Variants in BMPER observed in about 807,000 individuals in gnomAD.
BMPER encodes BMP-binding endothelial regulator protein.
Under a neutral mutation model 87.3 loss-of-function variants are expected in BMPER, and 45 were observed. That is an observed-to-expected ratio of 0.52 (90% CI 0.41 to 0.66). The LOEUF (loss-of-function observed/expected upper bound fraction) is 0.66. Among genes scored for constraint, BMPER ranks in the 30% least tolerant of loss-of-function variants. The pLI, the probability that BMPER is intolerant of heterozygous loss-of-function variation, is 0.00. For missense variants in BMPER, 784 were observed against 867.5 expected (o/e 0.90, Z 1.21); for synonymous variants, 326 against 316.2 (o/e 1.03, Z -0.33).
intron 3 of BMPER, among the ~76,000 whole-genome samples, chr7:33,965,390 G>T (rs1785381465): frequency 6.6e-6 from 1 of 151,876 alleles, no homozygotes; most frequent in African/African-American, 2.4e-5. Flanking sequence ...TGTATTAACA[G>T]GGATTTTTTT....
intron 6 of BMPER, among the ~76,000 whole-genome samples, chr7:34,021,474 T>G (rs771152573): frequency 2.0e-5 from 3 of 152,040 alleles, no homozygotes; most frequent in Non-Finnish European, 4.4e-5. Context: ...TAAAGCGAGA[T>G]ACTTTGCTTA....
chr7:34,126,616 T>C (rs1790408684), intron 13 of BMPER, among the ~76,000 whole-genome samples: 1 of 152,218 alleles, frequency 6.6e-6, no homozygotes, highest in Non-Finnish European at 1.5e-5. Context: ...TTACAACTTT[T>C]CCTATTGAGT....
intron 5 of BMPER, among the ~76,000 whole-genome samples, 192 bp from the exon 6 acceptor site, chr7:33,974,510 G>T (rs1355687953): frequency 6.6e-6 from 1 of 152,052 alleles, no homozygotes; most frequent in Non-Finnish European, 1.5e-5. Context: ...CAGCATCTTT[G>T]GGGTTTCAGG....
At chr7:34,035,817 A>G (rs558171706) in intron 6 of BMPER, among the ~76,000 whole-genome samples, 3 of 152,338 alleles carry the variant, frequency 2.0e-5, no homozygotes, top group South Asian at 2.1e-4. Context: ...CGATAAACCC[A>G]TATGAAGCAT....
intron 6 of BMPER, among the ~76,000 whole-genome samples, chr7:34,010,391 T>A (rs147122950): frequency 0.012 from 1,806 of 152,104 alleles, 40 homozygotes; most frequent in African/African-American, 0.042. Flanking sequence ...TATACATACA[T>A]ATTTAAAATT....
rs1397306169 is a variant in BMPER, at chr7:33,944,299, G to A, written c.319+6911G>A. Among the ~76,000 whole-genome samples, 6 of 152,156 alleles carry A rather than the reference G, an allele frequency of 3.9e-5. No homozygotes were observed. The South Asian group carries it at 6.2e-4, about 16-fold the overall frequency. On this transcript the variant is annotated intron_variant, in intron 3 of 14. Transcript: ENST00000649409. ...TCATGCCTCAGCCTCCCAAGTAGCT[G>A]GGATTACAGGTGTGTGCCACAATGC...
At position 34,156,035 on chromosome 7, in the gene BMPER, A is replaced by C. The variant is rs1470750850; in HGVS notation, c.*2762A>C. Among the ~76,000 whole-genome samples, 1 of 152,178 alleles carries C rather than the reference A, an allele frequency of 6.6e-6. No individual in the cohort carries two copies. The highest frequency in any genetic ancestry group is 6.5e-5 in the Admixed American group (1 of 15,280). On this transcript the variant is annotated 3_prime_UTR_variant, in exon 15 of 15. Transcript: ENST00000649409. ...AATTTTTTAGCTGGGAAGAAAAGAT[A>C]TCTCTTTGGCATCGACAAGAGCAAT...
chr7:33,990,853 T>G (rs1266981002), intron 6 of BMPER, among the ~76,000 whole-genome samples: 1 of 111,176 alleles, frequency 9.0e-6, no homozygotes, highest in African/African-American at 3.5e-5. Context: ...CAAAGGCTTT[T>G]TCTGCATCTA....
intron 6 of BMPER, among the ~76,000 whole-genome samples, chr7:34,045,823 A>G (rs530797170): frequency 6.6e-6 from 1 of 152,228 alleles, no homozygotes; most frequent in South Asian, 2.1e-4. Flanking sequence ...GAACCTATAG[A>G]AAGATGGGTG....
chr7:33,914,455 C>A (rs1784042296), intron 2 of BMPER, among the ~76,000 whole-genome samples: 1 of 152,078 alleles, frequency 6.6e-6, no homozygotes, highest in African/African-American at 2.4e-5. Context: ...AGAAGTCTGG[C>A]CAATGTCATA....
chr7:33,950,652 G>A (rs1247579691), intron 3 of BMPER, among the ~76,000 whole-genome samples: 1 of 152,066 alleles, frequency 6.6e-6, no homozygotes, highest in African/African-American at 2.4e-5. Context: ...CACTTAGTAG[G>A]TCAGGCCCAC....
chr7:33,937,271 G>A lies in BMPER; in HGVS notation c.220-18G>A, dbSNP rs369314944. On this transcript the variant is annotated intron_variant, in intron 2 of 14. Transcript: ENST00000649409. The stretch of plus-strand genomic sequence containing the variant: ...GTTTGATGTCTATTTCAAATCTCTC[G>A]TGTCTCTTTTTGTCTAGAACAAGGA... 65 of 1,608,042 alleles carry A rather than the reference G, an allele frequency of 4.0e-5. No homozygotes were observed. The highest frequency in any genetic ancestry group is 3.0e-4 in the South Asian group (27 of 90,966).
At chr7:34,123,076 T>C (rs1253157493) in intron 13 of BMPER, among the ~76,000 whole-genome samples, 1 of 152,224 alleles carries the variant, frequency 6.6e-6, no homozygotes, top group African/African-American at 2.4e-5. Flanking sequence ...GAGGCTTATA[T>C]GTTACCCCCA....
intron 14 of BMPER, among the ~76,000 whole-genome samples, chr7:34,145,960 T>TG (rs1369236507): frequency 6.6e-6 from 1 of 152,184 alleles, no homozygotes; most frequent in Non-Finnish European, 1.5e-5. Flanking sequence ...TGGAGCCATC[T>TG]GGGTGAAGTA....
intron 13 of BMPER, among the ~76,000 whole-genome samples, chr7:34,094,001 T>C (rs1789461983): frequency 6.6e-6 from 1 of 152,156 alleles, no homozygotes; most frequent in Admixed American, 6.5e-5. Context: ...GGGAAGGGAC[T>C]CATTCCAGGT....
intron 2 of BMPER, among the ~76,000 whole-genome samples, chr7:33,935,620 A>AAGAG (rs371168169): frequency 2.7e-5 from 4 of 149,660 alleles, no homozygotes; most frequent in African/African-American, 9.8e-5. Flanking sequence ...GAGAAGGAGA[A>AAGAG]AGAGAGAGAG....
At chr7:33,972,621 A>G (rs1785577684) in intron 5 of BMPER, among the ~76,000 whole-genome samples, 1 of 151,716 alleles carries the variant, frequency 6.6e-6, no homozygotes, top group Non-Finnish European at 1.5e-5. Context: ...TGAGGTTGGG[A>G]TCTGGCCCTT....
At chr7:34,098,356 C>T (rs1182958959) in intron 13 of BMPER, among the ~76,000 whole-genome samples, 2 of 152,102 alleles carry the variant, frequency 1.3e-5, no homozygotes, top group Non-Finnish European at 2.9e-5. Context: ...CAGGCCCATG[C>T]ATCCAGAACA....
intron 13 of BMPER, among the ~76,000 whole-genome samples, chr7:34,118,305 C>CA (rs1790169302): frequency 1.3e-5 from 2 of 152,050 alleles, no homozygotes; most frequent in Admixed American, 1.3e-4. Context: ...AACTTCATCT[C>CA]AAAAAAACAA....
Sources: allele counts gnomAD v4.1 joint callset (sites outside exome capture counted in the v4.1 genomes callset), GRCh38; gene constraint gnomAD v4.1.1; transcripts MANE v1.5; gene names NCBI Gene and HGNC (gene_info 2026-07-23, HGNC 2026-07-21).